Variants in SDK1 observed in about 807,000 individuals in gnomAD.
SDK1 encodes protein sidekick-1.
A neutral mutation model predicts 245.5 loss-of-function variants in SDK1; 157 were observed. The ratio of observed to expected loss-of-function variants is 0.64; its 90% CI spans 0.56 to 0.73. The LOEUF is 0.73. Among genes scored for constraint, SDK1 ranks in the 30% least tolerant of loss-of-function variants. SDK1 has a pLI of 0.00. For missense variants in SDK1, 3,583 were observed against 3,002.3 expected, an observed-to-expected ratio of 1.19 and a Z score of -4.52; for synonymous variants, 1,647 against 1,278.5, an observed-to-expected ratio of 1.29 and a Z score of -6.15.
intron 1 of SDK1, among the ~76,000 whole-genome samples, chr7:3,454,999 C>A (rs932825169): frequency 1.2e-4 from 19 of 152,010 alleles, no homozygotes; most frequent in Admixed American, 3.3e-4. Flanking sequence ...TTGGTGTTAT[C>A]CTTATTTTTT....
chr7:4,013,854 G>C (rs1458922818), intron 16 of SDK1, among the ~76,000 whole-genome samples: 2 of 152,226 alleles, frequency 1.3e-5, no homozygotes, highest in East Asian at 1.9e-4. Context: ...TTTCAAAGAA[G>C]GGGGAAGAGG....
intron 16 of SDK1, among the ~76,000 whole-genome samples, chr7:4,014,788 A>G (rs1786263427): frequency 6.6e-6 from 1 of 152,206 alleles, no homozygotes; most frequent in South Asian, 2.1e-4. Flanking sequence ...AACATATCCT[A>G]CCAGCAAGAG....
chr7:3,831,398 A>T (rs953915734), intron 5 of SDK1, among the ~76,000 whole-genome samples: 2 of 152,194 alleles, frequency 1.3e-5, no homozygotes, highest in African/African-American at 4.8e-5. Context: ...TGAAGCTGCT[A>T]ATTAAGAAAC....
intron 35 of SDK1, among the ~76,000 whole-genome samples, chr7:4,194,309 T>C (rs1430791288): frequency 1.0e-5 from 1 of 98,224 alleles, no homozygotes; most frequent in Non-Finnish European, 2.2e-5. Context: ...TGTATACATG[T>C]ATACATATAT....
At chr7:3,503,323 C>G (rs767840127) in intron 1 of SDK1, among the ~76,000 whole-genome samples, 1 of 152,156 alleles carries the variant, frequency 6.6e-6, no homozygotes, top group African/African-American at 2.4e-5. Flanking sequence ...GATACATTTT[C>G]AGCTAATGAT....
intron 35 of SDK1, among the ~76,000 whole-genome samples, chr7:4,180,226 C>CCCGGCT (rs1782513214): frequency 1.3e-5 from 2 of 151,566 alleles, no homozygotes; most frequent in Non-Finnish European, 2.9e-5. Flanking sequence ...ATGCCCAGCG[C>CCCGGCT]CCAGCTCCAG....
At chr7:4,088,551 G>C (rs147916771) in intron 22 of SDK1, among the ~76,000 whole-genome samples, 2,054 of 141,542 alleles carry the variant, frequency 0.015, 46 homozygotes, top group South Asian at 0.047. Flanking sequence ...TTTCCTAGGA[G>C]TTGGTTTTTT....
chr7:3,387,273 C>T (rs1008005027), intron 1 of SDK1, among the ~76,000 whole-genome samples: 4 of 152,062 alleles, frequency 2.6e-5, no homozygotes, highest in African/African-American at 9.7e-5. Context: ...CTTTAATAGC[C>T]CTCCTGCCTT....
intron 1 of SDK1, among the ~76,000 whole-genome samples, chr7:3,413,046 A>G (rs760697370): frequency 6.6e-6 from 1 of 152,204 alleles, no homozygotes; most frequent in Non-Finnish European, 1.5e-5. Context: ...ACATGACAAT[A>G]TAATTGTAAC....
At chr7:3,361,379 C>G (rs1780947913) in intron 1 of SDK1, among the ~76,000 whole-genome samples, 1 of 152,202 alleles carries the variant, frequency 6.6e-6, no homozygotes, top group African/African-American at 2.4e-5. Flanking sequence ...TTCTATTCCA[C>G]TTTCTTGTCC....
At chr7:3,488,783 C>G (rs994866582) in intron 1 of SDK1, among the ~76,000 whole-genome samples, 2 of 152,200 alleles carry the variant, frequency 1.3e-5, no homozygotes, top group African/African-American at 4.8e-5. Context: ...CTTCCCTACT[C>G]AATCTGACAG....
chr7:4,165,779 C>A (rs1781462678), intron 32 of SDK1, among the ~76,000 whole-genome samples: 1 of 147,876 alleles, frequency 6.8e-6, no homozygotes. Flanking sequence ...AATGAGCCAC[C>A]ATGCCCAGCC....
At chr7:3,476,844 G>A (rs984960339) in intron 1 of SDK1, among the ~76,000 whole-genome samples, 6 of 152,100 alleles carry the variant, frequency 3.9e-5, no homozygotes, top group Non-Finnish European at 8.8e-5. Flanking sequence ...ACTAGCGGGT[G>A]GTATTCGTGA....
chr7:3,893,250 G>A (rs908565377), intron 5 of SDK1, among the ~76,000 whole-genome samples: 5 of 152,210 alleles, frequency 3.3e-5, no homozygotes, highest in Admixed American at 1.3e-4. Flanking sequence ...CTCTGCCTGG[G>A]GCAGCAAAAC....
intron 4 of SDK1, among the ~76,000 whole-genome samples, chr7:3,719,781 A>G (rs1289338383): frequency 1.3e-5 from 2 of 152,122 alleles, no homozygotes; most frequent in Non-Finnish European, 2.9e-5. Context: ...GATTGAGACC[A>G]TCCTGGCCAA....
At chr7:3,850,777 A>G (rs1364919309) in intron 5 of SDK1, among the ~76,000 whole-genome samples, 1 of 145,886 alleles carries the variant, frequency 6.9e-6, no homozygotes, top group African/African-American at 2.5e-5. Flanking sequence ...CAAACACCGC[A>G]TGTTCTCACT....
intron 25 of SDK1, among the ~76,000 whole-genome samples, chr7:4,118,605 G>GTGGCTCACTGCAACC (rs1402741016): frequency 6.7e-6 from 1 of 150,036 alleles, no homozygotes; most frequent in Non-Finnish European, 1.5e-5. Context: ...GAAAACATAT[G>GTGGCTCACTGCAACC]TCTACACAAA....
In SDK1 at chr7:3,580,993, AACCAAAAC is replaced by A. The variant is rs1378455354; in HGVS notation, c.299-38085_299-38078del. Among the ~76,000 whole-genome samples, 4 of 135,784 alleles carry A rather than the reference AACCAAAAC, an allele frequency of 2.9e-5. 1 individual carries two copies. In the East Asian group the frequency reaches 6.9e-4, roughly 24 times the overall value. 89.1% of individuals were successfully genotyped at this position (135,784 alleles called of 152,430 possible). On this transcript the variant is annotated intron_variant, in intron 1 of 44. Coordinates refer to ENST00000404826, the MANE Select transcript of SDK1 (RefSeq NM_152744.4). ...CAAAAAAAAAAAAAAAAAAAAAAAAAACCAAAACAAAACCCTGGAAGACAATCTATGCA... is the reference window on the plus strand; with the variant it reads ...CAAAAAAAAAAAAAAAAAAAAAAAAAAAAACCCTGGAAGACAATCTATGCA...
intron 5 of SDK1, among the ~76,000 whole-genome samples, chr7:3,914,505 A>C (rs759613810): frequency 2.0e-5 from 3 of 152,224 alleles, no homozygotes; most frequent in Non-Finnish European, 4.4e-5. Flanking sequence ...GAACTCAGAA[A>C]TGGTATGTTT....
Sources: allele counts gnomAD v4.1 joint callset (sites outside exome capture counted in the v4.1 genomes callset), GRCh38; gene constraint gnomAD v4.1.1; transcripts MANE v1.5; gene names NCBI Gene and HGNC (gene_info 2026-07-23, HGNC 2026-07-21).